The following DIP2B variants were observed in gnomAD, a reference collection of about 807,000 sequenced individuals.
DIP2B encodes DIP2 acetate--CoA ligase B (putative).
A neutral mutation model predicts 198.0 loss-of-function variants in DIP2B; 76 were observed. That is an observed-to-expected ratio of 0.38 (90% confidence interval 0.32 to 0.46). The LOEUF (loss-of-function observed/expected upper bound fraction) is 0.46, where lower values mean the gene tolerates loss of function less well. Ranked by LOEUF, DIP2B falls within the 20% of genes least tolerant of loss-of-function variation. DIP2B has a pLI of 0.99. For missense variants in DIP2B, 1,559 were observed against 1,978.4 expected (o/e 0.79, Z 4.02); for synonymous variants, 701 against 739.1 (o/e 0.95, Z 0.84).
intron 1 of DIP2B, among the ~76,000 whole-genome samples, chr12:50,574,663 G>A (rs1958642674): frequency 6.6e-6 from 1 of 152,220 alleles, no homozygotes; most frequent in Non-Finnish European, 1.5e-5. Context: ...GTTACAACTG[G>A]TGGACCTCGA....
At chr12:50,556,323 C>T (rs879577355) in intron 1 of DIP2B, among the ~76,000 whole-genome samples, 1 of 152,186 alleles carries the variant, frequency 6.6e-6, no homozygotes, top group Non-Finnish European at 1.5e-5. Context: ...GCTGGGATTA[C>T]AGGCATGAGC....
At chr12:50,620,395 C>T (rs527955806) in intron 1 of DIP2B, among the ~76,000 whole-genome samples, 34 of 152,318 alleles carry the variant, frequency 2.2e-4, no homozygotes, top group African/African-American at 7.9e-4. Context: ...CTCAGCCTCA[C>T]ACATGTGTCT....
intron 1 of DIP2B, among the ~76,000 whole-genome samples, chr12:50,607,508 T>C (rs190942120): frequency 1.3e-5 from 2 of 152,336 alleles, no homozygotes; most frequent in Non-Finnish European, 2.9e-5. Context: ...TTTTTCTTCC[T>C]TTCCTTTTCT....
rs759350818 is a variant in DIP2B at position 50,731,348 on chromosome 12, C to G, written c.3642-21C>G. 8 of 1,608,074 alleles carry G rather than the reference C, an allele frequency of 5.0e-6. No homozygotes were observed. In the Admixed American group the frequency reaches 1.4e-4, roughly 27 times the overall value. ...ATCCAGGATGAATTGATGATTCCAG[C>G]TCTTGTCTCTTTCACTGCAGTGTCT... On this transcript the variant is annotated intron_variant, in intron 30 of 37. Coordinates refer to ENST00000301180, the MANE Select transcript of DIP2B (RefSeq NM_173602.3).
chr12:50,695,944 T>C lies in DIP2B; in HGVS notation c.1910T>C (p.Ile637Thr), dbSNP rs761996120. The change falls in exon 16 of 38, where the codon ATT becomes ACT. Residue 637 changes from isoleucine to threonine, a missense_variant. Physicochemically the swap from Ile to Thr is moderately conservative, Grantham distance 89. Coordinates refer to ENST00000301180, the MANE Select transcript of DIP2B (RefSeq NM_173602.3). ...AGCTTGAGTTCCCTCCGAATGTTAA[T>C]TGTGACTGATGGAGCTAACCCCTGT... ...DVSLSSLRMLIVTDGANPWSV... is the reference protein window; with the variant it reads ...DVSLSSLRMLTVTDGANPWSV... 3.7e-6 allele frequency: 6 copies of C among 1,614,136 alleles called. No individual in the cohort carries two copies. The highest frequency in any genetic ancestry group is 5.1e-6 in the Non-Finnish European group (6 of 1,179,952).
In DIP2B at chr12:50,730,384, T is replaced by C. The variant is rs80204078; in HGVS notation, c.3642-985T>C. Among the ~76,000 whole-genome samples the C allele has an allele frequency of 1.2e-3, 97 of 83,180 alleles. No individual in the cohort carries two copies. The East Asian group carries it at 0.038, about 33-fold the overall frequency. The allele number at this position is 83,180 out of a possible 152,430, so 54.6% of individuals were successfully genotyped here. On this transcript the variant is annotated intron_variant, in intron 30 of 37. Coordinates refer to ENST00000301180, the MANE Select transcript of DIP2B (RefSeq NM_173602.3). ...TGTTTCTTTCTTTCTCTCTCTCTCT[T>C]TTTTTTTTTTTTTTAAAGGAGACAG...
chr12:50,510,740 G>A (rs1958007544), intron 1 of DIP2B, among the ~76,000 whole-genome samples: 1 of 151,828 alleles, frequency 6.6e-6, no homozygotes, highest in African/African-American at 2.4e-5. Flanking sequence ...CCACCTCCTG[G>A]GTTCAAGCGA....
intron 1 of DIP2B, among the ~76,000 whole-genome samples, chr12:50,553,752 C>T (rs750654828): frequency 1.3e-5 from 2 of 152,148 alleles, no homozygotes; most frequent in Non-Finnish European, 2.9e-5. Context: ...CTCCTGGGCT[C>T]AGGTGATCCT....
At chr12:50,663,734 G>A (rs1358009549) in intron 4 of DIP2B, among the ~76,000 whole-genome samples, 1 of 151,124 alleles carries the variant, frequency 6.6e-6, no homozygotes, top group Non-Finnish European at 1.5e-5. Context: ...GCTGACTGTG[G>A]TAGTGCATGT....
chr12:50,737,055 T>TG lies in DIP2B; in HGVS notation c.4123dup (p.Val1375GlyfsTer4). ...TCTTAGATTTTACCTGGAGTGAAAG[T>TG]GGTTATTGTTAATCCTGAGACCAAA... On this transcript the variant is annotated frameshift_variant, in exon 35 of 38. Coordinates refer to ENST00000301180, the MANE Select transcript of DIP2B (RefSeq NM_173602.3). LOFTEE classifies it high-confidence loss of function. 1.2e-6 allele frequency: 2 copies of TG among 1,614,006 alleles called. No homozygotes were observed. Among genetic ancestry groups the TG allele is most frequent in the Non-Finnish European group, 1.7e-6 (2 of 1,179,952 alleles).
intron 26 of DIP2B, 52 bp from the exon 27 acceptor site, chr12:50,723,150 A>G: frequency 6.3e-7 from 1 of 1,594,452 alleles, no homozygotes; most frequent in Non-Finnish European, 8.6e-7. Flanking sequence ...TTAGTTTCTC[A>G]GTGCTCTTAG....
intron 1 of DIP2B, among the ~76,000 whole-genome samples, chr12:50,547,190 G>A (rs1050449059): frequency 6.6e-6 from 1 of 152,148 alleles, no homozygotes; most frequent in Non-Finnish European, 1.5e-5. Flanking sequence ...GTTTAACTTT[G>A]ATGATTGATT....
intron 5 of DIP2B, among the ~76,000 whole-genome samples, chr12:50,672,985 TTAAA>T (rs1398431192): frequency 1.3e-5 from 2 of 152,330 alleles, no homozygotes; most frequent in Non-Finnish European, 2.9e-5. Flanking sequence ...CATTCCCCTA[TTAAA>T]TAGTGTCCAA....
At chr12:50,657,065 T>A (rs2139507851) in intron 3 of DIP2B, 1 of 151,822 alleles carries the variant, frequency 6.6e-6, no homozygotes. Context: ...ACTCGTGAAA[T>A]GTTCCATTAA....
At chr12:50,667,724 A>T (rs1198477480) in intron 4 of DIP2B, among the ~76,000 whole-genome samples, 1 of 152,102 alleles carries the variant, frequency 6.6e-6, no homozygotes, top group Non-Finnish European at 1.5e-5. Flanking sequence ...CTTTCCCTTC[A>T]TGTTTATAGG....
At chr12:50,680,644 CTG>C (rs1443561645) in intron 8 of DIP2B, 26 bp from the exon 9 acceptor site, 2 of 1,595,064 alleles carry the variant, frequency 1.3e-6, no homozygotes, top group Non-Finnish European at 1.7e-6. Context: ...TTCTATATGA[CTG>C]TTGTTTTTTT....
chr12:50,698,197 G>T, intron 17 of DIP2B, 131 bp from the exon 18 acceptor site: 1 of 1,119,696 alleles, frequency 8.9e-7, no homozygotes, highest in Non-Finnish European at 1.2e-6. Flanking sequence ...GCTCTAATTT[G>T]GCATATTTTT....
chr12:50,549,790 T>G (rs964653780), intron 1 of DIP2B, among the ~76,000 whole-genome samples: 2 of 152,072 alleles, frequency 1.3e-5, no homozygotes, highest in South Asian at 2.1e-4. Flanking sequence ...TTAACTTCAT[T>G]TTATCATGGC....
intron 1 of DIP2B, among the ~76,000 whole-genome samples, chr12:50,596,825 C>G (rs1306884798): frequency 1.3e-5 from 2 of 152,054 alleles, no homozygotes; most frequent in Non-Finnish European, 2.9e-5. Flanking sequence ...TTAGATAAAT[C>G]TTATTTACGT....
Sources: gnomAD v4.1 joint callset for allele counts (sites outside exome capture counted in the v4.1 genomes callset) on GRCh38, gnomAD v4.1.1 for gene constraint, MANE v1.5 for transcripts, NCBI Gene and HGNC (gene_info 2026-07-23, HGNC 2026-07-21) for gene names.